DNAJC6: variants seen among roughly 807,000 people sequenced by gnomAD.
The protein encoded by DNAJC6 is DnaJ heat shock protein family (Hsp40) member C6, also known as auxilin.
Under a neutral mutation model 110.0 loss-of-function variants are expected in DNAJC6, and 34 were observed. The observed-to-expected ratio is 0.31, with a 90% CI of 0.24 to 0.41. The LOEUF (loss-of-function observed/expected upper bound fraction) is 0.41. DNAJC6 is among the 10% of genes least tolerant of loss of function. The pLI, the probability that DNAJC6 is intolerant of heterozygous loss-of-function variation, is 1.00. For synonymous variants in DNAJC6, 406 were observed against 437.2 expected, an observed-to-expected ratio of 0.93 and a Z score of 0.89; for missense variants, 1,031 against 1,207.8, an observed-to-expected ratio of 0.85 and a Z score of 2.17.
chr1:65,298,483 A>C (rs6678387), intron 1 of DNAJC6, among the ~76,000 whole-genome samples: 1 of 151,968 alleles, frequency 6.6e-6, no homozygotes, highest in Admixed American at 6.5e-5. Flanking sequence ...ACTTTGCCAC[A>C]ATTCTAGTAC....
In DNAJC6 at chr1:65,309,801, T is replaced by C. The variant is rs1310921126; in HGVS notation, c.56T>C (p.Leu19Ser). The C allele has an allele frequency of 1.3e-6, 2 of 1,549,746 alleles. No individual in the cohort carries two copies. Among genetic ancestry groups the C allele is most frequent in the Admixed American group, 2.0e-5 (1 of 50,960 alleles). ...KKTSNDGYESLQLVDSNGDLS... is the reference protein window; with the variant it reads ...KKTSNDGYESSQLVDSNGDLS... ...ACCAGCAACGATGGTTATGAATCTT[T>C]GCAGCTGGTGGACAGTAACGGGGAC... The change falls in exon 1 of 19, where the codon TTG becomes TCG. Residue 19 changes from leucine to serine, a missense_variant. By Grantham distance (145) the Leu-to-Ser change is moderately radical. Coordinates refer to ENST00000371069, the MANE Select transcript of DNAJC6 (RefSeq NM_001256864.2).
chr1:65,384,100 C>T, intron 5 of DNAJC6, 93 bp from the exon 6 acceptor site: 1 of 1,319,678 alleles, frequency 7.6e-7, no homozygotes, highest in Non-Finnish European at 9.8e-7. Context: ...GATTTCTCCT[C>T]TCTCTGTCTC....
intron 14 of DNAJC6, among the ~76,000 whole-genome samples, chr1:65,400,057 G>A (rs781170529): frequency 6.6e-5 from 10 of 152,070 alleles, no homozygotes; most frequent in Non-Finnish European, 2.9e-5. Context: ...GTGTGTGCCT[G>A]TAGTCCCAGC....
intron 13 of DNAJC6, among the ~76,000 whole-genome samples, chr1:65,395,450 G>C (rs949819130): frequency 6.6e-6 from 1 of 152,162 alleles, no homozygotes; most frequent in Admixed American, 6.5e-5. Flanking sequence ...AAATATGTTA[G>C]TAGTCCACAA....
chr1:65,400,617 A>T (rs1394651785), intron 14 of DNAJC6, among the ~76,000 whole-genome samples: 1 of 152,216 alleles, frequency 6.6e-6, no homozygotes, highest in East Asian at 1.9e-4. Flanking sequence ...TTCACGTAAC[A>T]TAATGCTCTC....
chr1:65,400,960 T>C (rs1019800145), intron 14 of DNAJC6, among the ~76,000 whole-genome samples: 2 of 152,238 alleles, frequency 1.3e-5, no homozygotes, highest in African/African-American at 4.8e-5. Flanking sequence ...TGTGTCCTTT[T>C]TTCTCTACAT....
At chr1:65,269,806 G>A (rs1653447904) in intron 1 of DNAJC6, among the ~76,000 whole-genome samples, 1 of 152,174 alleles carries the variant, frequency 6.6e-6, no homozygotes, top group African/African-American at 2.4e-5. Context: ...CTACACACTG[G>A]AAATCTGCAG....
intron 1 of DNAJC6, among the ~76,000 whole-genome samples, chr1:65,302,081 T>TTA (rs1166262812): frequency 1.7e-5 from 1 of 57,468 alleles, no homozygotes; most frequent in South Asian, 6.0e-4. Flanking sequence ...ATAATACGTA[T>TTA]TATATATATT....
intron 4 of DNAJC6, among the ~76,000 whole-genome samples, chr1:65,370,726 A>C (rs1645697578): frequency 6.6e-6 from 1 of 152,206 alleles, no homozygotes; most frequent in African/African-American, 2.4e-5. Context: ...ACTATTTCTA[A>C]ATGACATAAT....
chr1:65,385,933 T>C (rs1187522461), intron 7 of DNAJC6, 27 bp downstream of exon 7: 1 of 1,546,042 alleles, frequency 6.5e-7, no homozygotes, highest in Non-Finnish European at 8.8e-7. Context: ...TACTTCTTCC[T>C]ATGTACTTCT....
chr1:65,358,637 A>G (rs75686825), intron 1 of DNAJC6, among the ~76,000 whole-genome samples: 2 of 152,228 alleles, frequency 1.3e-5, no homozygotes, highest in African/African-American at 2.4e-5. Flanking sequence ...GTAAGATTAC[A>G]CAGTGGATTA....
chr1:65,308,885 C>T (rs931689794), upstream of DNAJC6, among the ~76,000 whole-genome samples: 4 of 152,184 alleles, frequency 2.6e-5, no homozygotes, highest in Non-Finnish European at 5.9e-5. Flanking sequence ...GCAGAACGGA[C>T]GCTGCCTCCT....
intron 4 of DNAJC6, among the ~76,000 whole-genome samples, chr1:65,377,053 A>G (rs9436723): frequency 0.25 from 38,158 of 152,124 alleles, 8,315 homozygotes; most frequent in East Asian, 0.61. Context: ...GTGAGCCACC[A>G]CACCTGGCCA....
chr1:65,266,182 C>T (rs774901384), intron 1 of DNAJC6, among the ~76,000 whole-genome samples: 14 of 147,818 alleles, frequency 9.5e-5, no homozygotes, highest in Non-Finnish European at 1.5e-4. Context: ...TGGCCTTCTC[C>T]AGTCCTCGGG....
intron 1 of DNAJC6, among the ~76,000 whole-genome samples, chr1:65,355,264 CAA>C (rs58338708): frequency 0.011 from 952 of 84,220 alleles, 3 homozygotes; most frequent in Admixed American, 0.014. Flanking sequence ...CACCCTGTCT[CAA>C]AAAAAAAAAA....
chr1:65,330,168 A>C (rs990661192), intron 1 of DNAJC6, among the ~76,000 whole-genome samples: 2 of 152,090 alleles, frequency 1.3e-5, no homozygotes, highest in Non-Finnish European at 2.9e-5. Flanking sequence ...TTATTACCCT[A>C]GTCATTCTCC....
Position 65,315,857 on chromosome 1 carries a change from T to G in DNAJC6, c.193+5919T>G, listed in dbSNP as rs1645144292. ...TGCAAATGAAGAATTTAGTGGTGAA[T>G]TTTTTTATTTGCTTCTTTCTCTGAG... On this transcript the variant is annotated intron_variant, in intron 1 of 18. Coordinates refer to ENST00000371069, the MANE Select transcript of DNAJC6 (RefSeq NM_001256864.2). Among the ~76,000 whole-genome samples the G allele has an allele frequency of 4.6e-5, 7 of 152,160 alleles. No individual in the cohort carries two copies. The South Asian group carries it at 1.4e-3, about 31-fold the overall frequency.
chr1:65,324,611 A>G (rs1645225640), intron 1 of DNAJC6, among the ~76,000 whole-genome samples: 1 of 152,170 alleles, frequency 6.6e-6, no homozygotes, highest in South Asian at 2.1e-4. Context: ...CTCCCACCTC[A>G]GCCTCCTAAA....
intron 15 of DNAJC6, among the ~76,000 whole-genome samples, chr1:65,403,704 G>C (rs1264895414): frequency 3.9e-5 from 6 of 152,162 alleles, no homozygotes; most frequent in Non-Finnish European, 8.8e-5. Context: ...GACTGCAGTG[G>C]TCTCTGGATT....
Sources: allele counts gnomAD v4.1 joint callset (sites outside exome capture counted in the v4.1 genomes callset), GRCh38; gene constraint gnomAD v4.1.1; transcripts MANE v1.5; gene names NCBI Gene and HGNC (gene_info 2026-07-23, HGNC 2026-07-21).